Variants in DNAH9 observed in about 807,000 individuals in gnomAD.
DNAH9 encodes the protein dynein axonemal heavy chain 9, also known as DNAH9 variant protein.
A neutral mutation model predicts 471.6 loss-of-function variants in DNAH9; 345 were observed. That is an observed-to-expected ratio of 0.73 (90% CI 0.67 to 0.80). DNAH9 has a LOEUF of 0.80. DNAH9 is among the 30% of genes least tolerant of loss of function. The probability of loss-of-function intolerance (pLI) is 0.00; values close to 1 mark genes in which losing one functional copy is unlikely to be tolerated. For synonymous variants in DNAH9, 2,093 were observed against 2,123.6 expected (o/e 0.99, Z 0.40); for missense variants, 5,407 against 5,609.2 (o/e 0.96, Z 1.15).
At position 11,891,819 on chromosome 17, in the gene DNAH9, C is replaced by G. The variant is rs772958246; in HGVS notation, c.11155C>G (p.Pro3719Ala). ...VFQKAVERAAPDESLRERVAN... is the reference protein window; with the variant it reads ...VFQKAVERAAADESLRERVAN... The stretch of plus-strand genomic sequence containing the variant: ...CCAGAAGGCTGTGGAGAGGGCTGCT[C>G]CTGACGAAAGCCTCAGGGAGCGGGT... Residue 3719 changes from proline to alanine, a missense_variant, in exon 58 of 69, where the codon CCT (proline) becomes GCT (alanine). Physicochemically the swap from Pro to Ala is conservative, Grantham distance 27. Transcript: ENST00000262442. 3.7e-6 allele frequency: 6 copies of G among 1,614,054 alleles called. No individual in the cohort carries two copies. In the South Asian group the frequency reaches 6.6e-5, roughly 18 times the overall value.
intron 22 of DNAH9, among the ~76,000 whole-genome samples, chr17:11,698,255 T>TA (rs2074523772): frequency 2.1e-5 from 1 of 46,846 alleles, no homozygotes; most frequent in African/African-American, 5.5e-5. Flanking sequence ...AATATATTAA[T>TA]ATATAATAAT....
intron 11 of DNAH9, among the ~76,000 whole-genome samples, chr17:11,646,170 C>G (rs866732995): frequency 7.1e-6 from 1 of 140,754 alleles, no homozygotes; most frequent in Non-Finnish European, 1.6e-5. Context: ...TGAGCCACCA[C>G]GCCTGGCTAA....
chr17:11,748,572 A>C (rs550654156), intron 32 of DNAH9, among the ~76,000 whole-genome samples: 7 of 152,160 alleles, frequency 4.6e-5, no homozygotes, highest in Non-Finnish European at 8.8e-5. Context: ...CCTTGTGCGC[A>C]TGCCAGGCCC....
chr17:11,654,050 TTTTAAAAG>T (rs1329296878), intron 14 of DNAH9, among the ~76,000 whole-genome samples: 1 of 148,638 alleles, frequency 6.7e-6, no homozygotes, highest in East Asian at 2.0e-4. Context: ...TTACTTAAGA[TTTTAAAAG>T]TTTAAAATCG....
At chr17:11,613,502 G>A (rs2072679621) in intron 4 of DNAH9, among the ~76,000 whole-genome samples, 1 of 152,116 alleles carries the variant, frequency 6.6e-6, no homozygotes, top group Non-Finnish European at 1.5e-5. Context: ...CTAATTGGGA[G>A]GCTGAGGCAG....
chr17:11,752,410 G>A (rs1967194794), intron 32 of DNAH9, among the ~76,000 whole-genome samples: 1 of 152,200 alleles, frequency 6.6e-6, no homozygotes, highest in Admixed American at 6.5e-5. Context: ...AAAGCACAGG[G>A]AGAATGCACC....
intron 6 of DNAH9, among the ~76,000 whole-genome samples, chr17:11,620,530 G>A (rs866773116): frequency 0.02 from 2,271 of 112,950 alleles, 66 homozygotes; most frequent in African/African-American, 0.066. Context: ...AAAAAAAAAA[G>A]AAGTTTTAAT....
intron 14 of DNAH9, among the ~76,000 whole-genome samples, chr17:11,653,216 T>TTCATGGTG (rs1389435910): frequency 2.0e-5 from 3 of 152,226 alleles, no homozygotes; most frequent in Non-Finnish European, 4.4e-5. Context: ...TATTACTATC[T>TTCATGGTG]TCATGGTGAC....
chr17:11,957,055 C>T (rs930961354), intron 67 of DNAH9, among the ~76,000 whole-genome samples: 4 of 151,662 alleles, frequency 2.6e-5, no homozygotes, highest in Admixed American at 6.6e-5. Flanking sequence ...AAAACAAAAA[C>T]TTGAAAAAAT....
intron 41 of DNAH9, 87 bp downstream of exon 41, chr17:11,784,626 A>G (rs1968796285): frequency 6.4e-7 from 1 of 1,572,458 alleles, no homozygotes. Context: ...GCTAATGCCC[A>G]GCTCATAGGC....
At chr17:11,680,588 A>G (rs1299168730) in intron 18 of DNAH9, 135 bp from the exon 19 acceptor site, 6 of 685,552 alleles carry the variant, frequency 8.8e-6, no homozygotes, top group Non-Finnish European at 1.5e-5. Context: ...ATTGTAGGGA[A>G]TGGGAAGATG....
At chr17:11,808,838 C>A (rs1176254012) in intron 44 of DNAH9, among the ~76,000 whole-genome samples, 1 of 152,116 alleles carries the variant, frequency 6.6e-6, no homozygotes, top group Non-Finnish European at 1.5e-5. Flanking sequence ...CTGGGCATCA[C>A]GATTTTTCAA....
At chr17:11,791,377 C>T (rs1408149925) in intron 41 of DNAH9, among the ~76,000 whole-genome samples, 5 of 152,130 alleles carry the variant, frequency 3.3e-5, no homozygotes, top group Non-Finnish European at 1.5e-5. Flanking sequence ...CTTTGAGACA[C>T]TTGCCATCAC....
intron 38 of DNAH9, among the ~76,000 whole-genome samples, chr17:11,774,473 G>A (rs1467526423): frequency 6.6e-6 from 1 of 152,182 alleles, no homozygotes; most frequent in Non-Finnish European, 1.5e-5. Flanking sequence ...CATGGTGGAA[G>A]GCAAAGGAGG....
chr17:11,891,193 G>A (rs1027067325), intron 57 of DNAH9, among the ~76,000 whole-genome samples: 1 of 152,166 alleles, frequency 6.6e-6, no homozygotes, highest in African/African-American at 2.4e-5. Context: ...TGCAGGAAGG[G>A]TCCATGAGAA....
intron 35 of DNAH9, among the ~76,000 whole-genome samples, chr17:11,763,098 G>C (rs1463014187): frequency 6.6e-6 from 1 of 151,992 alleles, no homozygotes; most frequent in African/African-American, 2.4e-5. Flanking sequence ...TGAAATGAGC[G>C]AAAAAGTTAC....
chr17:11,803,762 T>C (rs1325892090), intron 43 of DNAH9, among the ~76,000 whole-genome samples: 1 of 152,174 alleles, frequency 6.6e-6, no homozygotes, highest in Non-Finnish European at 1.5e-5. Context: ...GCCTTCAGAA[T>C]AGGGCTGGGG....
intron 68 of DNAH9, among the ~76,000 whole-genome samples, chr17:11,965,337 G>A (rs1976613048): frequency 6.6e-6 from 1 of 152,208 alleles, no homozygotes; most frequent in Non-Finnish European, 1.5e-5. Flanking sequence ...AAGACTTTGT[G>A]ACTTATTGGT....
At chr17:11,754,924 T>C (rs1967310552) in intron 33 of DNAH9, among the ~76,000 whole-genome samples, 1 of 152,242 alleles carries the variant, frequency 6.6e-6, no homozygotes, top group South Asian at 2.1e-4. Context: ...CAAGATGGTA[T>C]TGCCTAGGTT....
Sources: gnomAD v4.1 joint callset for allele counts (sites outside exome capture counted in the v4.1 genomes callset) on GRCh38, gnomAD v4.1.1 for gene constraint, MANE v1.5 for transcripts, NCBI Gene and HGNC (gene_info 2026-07-23, HGNC 2026-07-21) for gene names.